The following NEK5 variants were observed in gnomAD, a reference collection of about 807,000 sequenced individuals.
NEK5 encodes the protein NIMA related kinase 5.
NEK5 carries 88 observed loss-of-function variants against 109.2 expected under a neutral mutation model. The observed-to-expected ratio is 0.81, with a 90% CI of 0.68 to 0.96. The LOEUF (loss-of-function observed/expected upper bound fraction) is 0.96. NEK5 is among the 40% of genes least tolerant of loss of function. NEK5 has a pLI of 0.00. For synonymous variants in NEK5, 283 were observed against 299.9 expected (o/e 0.94, Z 0.58); for missense variants, 834 against 920.7 (o/e 0.91, Z 1.22).
intron 3 of NEK5, among the ~76,000 whole-genome samples, chr13:52,123,538 A>G (rs1956009166): frequency 6.6e-6 from 1 of 152,212 alleles, no homozygotes; most frequent in Admixed American, 6.5e-5. Flanking sequence ...GTAGAGCAAG[A>G]GGGCCTGAAA....
intron 22 of NEK5, among the ~76,000 whole-genome samples, chr13:52,058,699 G>A (rs1310774502): frequency 6.6e-6 from 1 of 151,902 alleles, no homozygotes; most frequent in East Asian, 1.9e-4. Context: ...ACAAGCAATG[G>A]GGAAAGGATT....
At chr13:52,084,785 G>C (rs1233061912) in intron 16 of NEK5, among the ~76,000 whole-genome samples, 7 of 141,080 alleles carry the variant, frequency 5.0e-5, no homozygotes, top group Non-Finnish European at 9.4e-5. Context: ...GTGTGTGTGT[G>C]TGTGTGTGTG....
intron 22 of NEK5, among the ~76,000 whole-genome samples, chr13:52,054,011 T>G (rs759205064): frequency 6.6e-5 from 10 of 152,252 alleles, no homozygotes; most frequent in Non-Finnish European, 1.0e-4. Context: ...AAAAAGTAAG[T>G]GCTTAAATGA....
chr13:52,062,420 T>A (rs1020030259), intron 21 of NEK5, among the ~76,000 whole-genome samples: 1 of 151,742 alleles, frequency 6.6e-6, no homozygotes, highest in African/African-American at 2.4e-5. Context: ...TCTTCTTTTT[T>A]TTCTTTCTTT....
chr13:52,033,883 T>TAAC lies in NEK5; in HGVS notation c.*3062_*3064dup, dbSNP rs1237050855. 1 of 152,192 alleles carries TAAC rather than the reference T, an allele frequency of 6.6e-6. No homozygotes were observed. The highest frequency in any genetic ancestry group is 1.9e-4 in the East Asian group (1 of 5,200). The allele number at this position is 152,192 out of a possible 1,614,324, so 9.4% of individuals were successfully genotyped here. A position where few individuals can be genotyped will look rare whatever the true frequency, so the allele number is the denominator to read the frequency against. ...CAGTACAATAGAAAAGTTAATTATA[T>TAAC]AACTACAACACGAAACACAAATTTT... On this transcript the variant is annotated 3_prime_UTR_variant, in exon 24 of 24. Transcript: ENST00000684899.
chr13:52,108,366 T>TA lies in NEK5; in HGVS notation c.505dup (p.Tyr169LeufsTer11), dbSNP rs1566812066. The stretch of plus-strand genomic sequence containing the variant: ...CTGACAGATCTCTGGGGACAGGTAG[T>TA]AAGGTGTTCCAATACAAGTTCGAGC... On this transcript the variant is annotated frameshift_variant, in exon 8 of 24. Transcript: ENST00000684899. LOFTEE classifies it high-confidence loss of function. The TA allele has an allele frequency of 6.2e-7, 1 of 1,611,514 alleles. No homozygotes were observed. Among genetic ancestry groups the TA allele is most frequent in the Non-Finnish European group, 8.5e-7 (1 of 1,178,094 alleles).
At chr13:52,067,186 G>T (rs1028263492) in intron 20 of NEK5, among the ~76,000 whole-genome samples, 4 of 151,798 alleles carry the variant, frequency 2.6e-5, no homozygotes, top group African/African-American at 7.3e-5. Flanking sequence ...AAAATTTTTG[G>T]CCACTTAAGA....
intron 8 of NEK5, among the ~76,000 whole-genome samples, chr13:52,107,225 A>G (rs1955673382): frequency 6.6e-6 from 1 of 151,796 alleles, no homozygotes; most frequent in Admixed American, 6.6e-5. Context: ...GTGGCAGGCC[A>G]GGTCTTACCA....
chr13:52,109,967 A>G (rs147519934), intron 7 of NEK5, among the ~76,000 whole-genome samples: 1 of 152,326 alleles, frequency 6.6e-6, no homozygotes, highest in Non-Finnish European at 1.5e-5. Flanking sequence ...TGTCACAGGC[A>G]TGGACCTTTG....
chr13:52,083,826 G>A (rs578037254), intron 16 of NEK5, among the ~76,000 whole-genome samples: 2 of 152,192 alleles, frequency 1.3e-5, no homozygotes, highest in South Asian at 2.1e-4. Context: ...GTGAGCTACC[G>A]CGCCTGACCA....
At position 52,083,289 on chromosome 13, in the gene NEK5, C is replaced by G; in HGVS notation, c.1543G>C (p.Asp515His). ...ACAGGTGCTTCTCCCTCAGATGCAT[C>G]TTGATGGACAGGCAGGTTACTCTTC... ...VKKSNLPVHQ[D>H]ASEGEAPVQD... Residue 515 changes from aspartate to histidine, a missense_variant, in exon 17 of 24, where the codon GAT (aspartate) becomes CAT (histidine). Physicochemically the swap from Asp to His is moderately conservative, Grantham distance 81. This residue lies in a region of NEK5 where 777 missense variants were observed against 824.7 expected (regional missense o/e 0.94). Coordinates refer to ENST00000684899, the MANE Select transcript of NEK5 (RefSeq NM_001365552.1). 1 of 1,613,286 alleles carries G rather than the reference C, an allele frequency of 6.2e-7. No individual in the cohort carries two copies. The highest frequency in any genetic ancestry group is 8.5e-7 in the Non-Finnish European group (1 of 1,179,232).
chr13:52,080,296 C>G (rs1429929737), intron 17 of NEK5, among the ~76,000 whole-genome samples: 11 of 149,768 alleles, frequency 7.3e-5, no homozygotes, highest in African/African-American at 2.4e-4. Context: ...CCCGGCCAGC[C>G]GCCTCGTCCG....
At chr13:52,082,876 C>T (rs749188553) in intron 17 of NEK5, among the ~76,000 whole-genome samples, 10 of 152,138 alleles carry the variant, frequency 6.6e-5, no homozygotes, top group Non-Finnish European at 1.2e-4. Context: ...GGTAAAAAGG[C>T]GGTGGCTCAT....
At chr13:52,095,104 A>G (rs1205895967) in intron 12 of NEK5, among the ~76,000 whole-genome samples, 1 of 151,772 alleles carries the variant, frequency 6.6e-6, no homozygotes. Flanking sequence ...TTTTTTTTTT[A>G]ATTTTACTTT....
intron 22 of NEK5, among the ~76,000 whole-genome samples, chr13:52,057,422 G>A (rs1191223867): frequency 7.3e-5 from 11 of 151,680 alleles, no homozygotes; most frequent in Non-Finnish European, 1.5e-4. Context: ...AATAGAAAAA[G>A]AGGGAATCCT....
In NEK5 at chr13:52,127,488, C is replaced by T. The variant is rs762260472; in HGVS notation, c.-6G>A. 8.8e-6 allele frequency: 13 copies of T among 1,481,392 alleles called. No homozygotes were observed. In the East Asian group the frequency reaches 2.7e-4, roughly 31 times the overall value. 91.8% of individuals were successfully genotyped at this position (1,481,392 alleles called of 1,614,324 possible). On this transcript the variant is annotated 5_prime_UTR_variant, in exon 3 of 24. Coordinates refer to ENST00000684899, the MANE Select transcript of NEK5 (RefSeq NM_001365552.1). ...ATCACATCGTACTTATCCATGGTCT[C>T]CAATGGGCTGAGTTTCCTGGAATTA...
intron 13 of NEK5, among the ~76,000 whole-genome samples, chr13:52,092,342 G>C (rs533183384): frequency 2.6e-5 from 4 of 151,914 alleles, no homozygotes; most frequent in Non-Finnish European, 1.5e-5. Context: ...ACACGTAATT[G>C]TTATAAGCTT....
intron 7 of NEK5, among the ~76,000 whole-genome samples, 163 bp from the exon 8 acceptor site, chr13:52,108,567 A>G (rs1955698136): frequency 6.6e-6 from 1 of 152,232 alleles, no homozygotes; most frequent in Non-Finnish European, 1.5e-5. Context: ...TAAAGTAACT[A>G]AATCAGCTGA....
chr13:52,073,378 T>C (rs4438196), intron 19 of NEK5, among the ~76,000 whole-genome samples: 3,190 of 151,600 alleles, frequency 0.021, 83 homozygotes, highest in Admixed American at 0.083. Context: ...TGCAGTACAG[T>C]GATCTCAGCT....
Sources: allele counts gnomAD v4.1 joint callset (sites outside exome capture counted in the v4.1 genomes callset), GRCh38; gene constraint gnomAD v4.1.1; regional missense constraint gnomAD v4.1.1; transcripts MANE v1.5; gene names NCBI Gene and HGNC (gene_info 2026-07-23, HGNC 2026-07-21).